Variants in SUMF1 observed in about 807,000 individuals in gnomAD.
SUMF1 encodes sulfatase modifying factor 1, also known as formylglycine-generating enzyme.
Under a neutral mutation model 47.6 loss-of-function variants are expected in SUMF1, and 48 were observed. The observed-to-expected ratio is 1.01, with a 90% confidence interval of 0.80 to 1.28. The LOEUF (loss-of-function observed/expected upper bound fraction) is 1.28. Among genes scored for constraint, SUMF1 ranks in the 50% most tolerant of loss-of-function variants. The pLI, the probability that SUMF1 is intolerant of heterozygous loss-of-function variation, is 0.00. For missense variants in SUMF1, 571 were observed against 485.4 expected, an observed-to-expected ratio of 1.18 and a Z score of -1.66; for synonymous variants, 230 against 192.1, an observed-to-expected ratio of 1.20 and a Z score of -1.63.
chr3:4,136,779 AAAAC>A (rs1227696341), intron 8 of SUMF1, among the ~76,000 whole-genome samples: 6 of 151,260 alleles, frequency 4.0e-5, no homozygotes, highest in African/African-American at 1.2e-4. Flanking sequence ...TTACAAGAAA[AAAAC>A]AAACAACCCC....
intron 8 of SUMF1, among the ~76,000 whole-genome samples, chr3:4,331,959 A>G (rs1699060691): frequency 6.6e-6 from 1 of 152,248 alleles, no homozygotes; most frequent in Admixed American, 6.5e-5. Flanking sequence ...CAATAGACTC[A>G]GACAAAATGT....
intron 8 of SUMF1, among the ~76,000 whole-genome samples, chr3:4,088,301 A>G (rs2125050877): frequency 6.6e-6 from 1 of 152,282 alleles, no homozygotes; most frequent in Non-Finnish European, 1.5e-5. Context: ...AACCTTAGGA[A>G]ATAGGCAAAA....
At chr3:4,154,169 T>A (rs559938219) in intron 8 of SUMF1, among the ~76,000 whole-genome samples, 2 of 151,394 alleles carry the variant, frequency 1.3e-5, no homozygotes, top group Non-Finnish European at 2.9e-5. Context: ...TGTGTGGAGG[T>A]ATCCAGGAAG....
intron 8 of SUMF1, among the ~76,000 whole-genome samples, chr3:4,330,663 A>T (rs1168223913): frequency 6.6e-6 from 1 of 152,218 alleles, no homozygotes; most frequent in Non-Finnish European, 1.5e-5. Flanking sequence ...ATCAGACAGC[A>T]TGAGGCCAGA....
At chr3:4,223,761 T>C (rs1696116516) in intron 8 of SUMF1, among the ~76,000 whole-genome samples, 3 of 152,112 alleles carry the variant, frequency 2.0e-5, no homozygotes, top group African/African-American at 4.8e-5. Context: ...GGTGGTAATG[T>C]TTAAAGGTCT....
intron 7 of SUMF1, among the ~76,000 whole-genome samples, chr3:4,381,360 A>G (rs1025931877): frequency 5.9e-5 from 9 of 152,214 alleles, no homozygotes; most frequent in Admixed American, 5.2e-4. Flanking sequence ...GGGGTGACGG[A>G]TAAAAGGCTA....
In SUMF1 at chr3:4,418,094, G is replaced by A. The variant is rs367628085; in HGVS notation, c.641C>T (p.Ala214Val). 13 of 1,613,924 alleles carry A rather than the reference G, an allele frequency of 8.1e-6. No homozygotes were observed. The highest frequency in any genetic ancestry group is 4.5e-5 in the East Asian group (2 of 44,894). ...HPVLHVSWND[A>V]VAYCTWAGKR... ...CCCTGCCCAAGTGCAGTAGGCAACCGCATCATTCCAGGACACATGGAGAAC... is the reference window on the plus strand; with the variant it reads ...CCCTGCCCAAGTGCAGTAGGCAACCACATCATTCCAGGACACATGGAGAAC... The change falls in exon 5 of 9, where the codon GCG (alanine) becomes GTG (valine). Residue 214 changes from alanine to valine, a missense_variant. Ala to Val is a moderately conservative substitution (Grantham distance 64). Coordinates refer to ENST00000272902, the MANE Select transcript of SUMF1 (RefSeq NM_182760.4).
intron 3 of SUMF1, among the ~76,000 whole-genome samples, chr3:4,447,064 A>C (rs1210672425): frequency 2.2e-4 from 34 of 152,130 alleles, no homozygotes; most frequent in Non-Finnish European, 4.7e-4. Context: ...CTGCTGGGGT[A>C]GGCAGAAAAA....
At chr3:4,449,367 C>G (rs376364933) in intron 2 of SUMF1, 27 bp from the exon 3 acceptor site, 5 of 1,611,902 alleles carry the variant, frequency 3.1e-6, no homozygotes, top group Non-Finnish European at 1.7e-6. Flanking sequence ...AAATAAAAAT[C>G]CAGAAAAGGT....
intron 8 of SUMF1, among the ~76,000 whole-genome samples, chr3:4,362,789 T>C (rs2633853): frequency 0.61 from 93,282 of 151,906 alleles, 29,130 homozygotes; most frequent in East Asian, 0.76. Flanking sequence ...TGGTGTGCAC[T>C]TGTAGTCACA....
chr3:4,340,214 G>A (rs1340133000), intron 8 of SUMF1, among the ~76,000 whole-genome samples: 1 of 152,084 alleles, frequency 6.6e-6, no homozygotes, highest in Admixed American at 6.6e-5. Flanking sequence ...TTTGAAACAA[G>A]TTTCCAGATG....
intron 8 of SUMF1, among the ~76,000 whole-genome samples, chr3:4,186,363 G>A (rs1344983331): frequency 6.6e-6 from 1 of 152,180 alleles, no homozygotes; most frequent in African/African-American, 2.4e-5. Flanking sequence ...GTAATGGGGG[G>A]AGGTGAGCTG....
intron 8 of SUMF1, among the ~76,000 whole-genome samples, chr3:4,174,938 A>T (rs1237502740): frequency 1.3e-5 from 2 of 152,160 alleles, no homozygotes; most frequent in Non-Finnish European, 2.9e-5. Context: ...CTGCTATTGC[A>T]GCAGTCTGAG....
At chr3:4,445,233 T>C (rs182888094) in intron 3 of SUMF1, among the ~76,000 whole-genome samples, 2 of 152,370 alleles carry the variant, frequency 1.3e-5, no homozygotes, top group Admixed American at 1.3e-4. Context: ...AAACCTATGG[T>C]ATGTAAATTA....
In SUMF1 at chr3:4,178,058, C is replaced by G. The variant is rs144339783; in HGVS notation, c.1015-109313G>C. Among the ~76,000 whole-genome samples, 313 of 152,150 alleles carry G rather than the reference C, an allele frequency of 2.1e-3. 1 individual carries two copies. Among genetic ancestry groups the G allele is most frequent in the Middle Eastern group, 0.014 (4 of 294 alleles). ...ATTGAGGGAATAGTTAAGAGCCTACCAGCCAAAAAAAGTCCAGGACCAGAC... is the reference window on the plus strand; with the variant it reads ...ATTGAGGGAATAGTTAAGAGCCTACGAGCCAAAAAAAGTCCAGGACCAGAC... On this transcript the variant is annotated intron_variant and NMD_transcript_variant, in intron 8 of 12. Coordinates refer to the SUMF1 transcript ENST00000448413.
At chr3:4,335,425 C>CA (rs1699126929) in intron 8 of SUMF1, among the ~76,000 whole-genome samples, 1 of 152,174 alleles carries the variant, frequency 6.6e-6, no homozygotes, top group Admixed American at 6.5e-5. Context: ...AATGAATCCC[C>CA]AAATCAGCCT....
rs71043507 is a variant in SUMF1 at position 4,265,136 on chromosome 3, C to CAA, written c.1014+111192_1014+111193dup. On this transcript the variant is annotated intron_variant and NMD_transcript_variant, in intron 8 of 12. Transcript: ENST00000448413. ...TGGGTGACAGAGCGAGACTCCATCT[C>CAA]AAAAAAAAAAAAAAAAAAAAAAAGA... Among the ~76,000 whole-genome samples the CAA allele has an allele frequency of 9.3e-3, 678 of 72,852 alleles. 2 individuals are homozygous for CAA. Among genetic ancestry groups the CAA allele is most frequent in the African/African-American group, 0.013 (242 of 19,068 alleles). 47.8% of individuals were successfully genotyped at this position (72,852 alleles called of 152,430 possible).
Position 4,151,610 on chromosome 3 carries a change from G to C in SUMF1, c.1015-82865C>G, listed in dbSNP as rs529510261. Among the ~76,000 whole-genome samples, 30 of 145,910 alleles carry C rather than the reference G, an allele frequency of 2.1e-4. 1 individual carries two copies. The highest frequency in any genetic ancestry group is 7.6e-4 in the African/African-American group (29 of 37,930). On this transcript the variant is annotated intron_variant and NMD_transcript_variant, in intron 8 of 12. Coordinates refer to the SUMF1 transcript ENST00000448413. ...ACACATGCAAGTATATAGAGCAGAG[G>C]TGTCGAAACTTTTGGCTTCCCTGGA... is the stretch of plus-strand genomic sequence containing the variant.
At chr3:4,225,224 G>A (rs762836063) in intron 8 of SUMF1, among the ~76,000 whole-genome samples, 4 of 152,240 alleles carry the variant, frequency 2.6e-5, no homozygotes, top group Non-Finnish European at 5.9e-5. Context: ...GCTGACAATT[G>A]AGCCTTGAAG....
Sources: allele counts gnomAD v4.1 joint callset (sites outside exome capture counted in the v4.1 genomes callset), GRCh38; gene constraint gnomAD v4.1.1; transcripts MANE v1.5; gene names NCBI Gene and HGNC (gene_info 2026-07-23, HGNC 2026-07-21).